UBE2Q2: variants seen among roughly 807,000 people sequenced by gnomAD.
UBE2Q2 encodes ubiquitin-conjugating enzyme E2 Q2.
Under a neutral mutation model 59.9 loss-of-function variants are expected in UBE2Q2, and 54 were observed. That is an observed-to-expected ratio of 0.90 (90% CI 0.72 to 1.13). UBE2Q2 has a LOEUF of 1.13. UBE2Q2 is among the 50% of genes most tolerant of loss of function. The probability of loss-of-function intolerance (pLI) is 0.00; values close to 1 mark genes in which losing one functional copy is unlikely to be tolerated. For synonymous variants in UBE2Q2, 165 were observed against 155.2 expected, an observed-to-expected ratio of 1.06 and a Z score of -0.47; for missense variants, 433 against 441.9, an observed-to-expected ratio of 0.98 and a Z score of 0.18.
At chr15:75,850,321 TTA>T (rs1454875941) in intron 1 of UBE2Q2, among the ~76,000 whole-genome samples, 26 of 152,372 alleles carry the variant, frequency 1.7e-4, no homozygotes, top group Admixed American at 1.6e-3. Context: ...TCTCCGATGC[TTA>T]TGTGTGTTCC....
At chr15:75,854,741 A>C (rs1250786277) in intron 2 of UBE2Q2, among the ~76,000 whole-genome samples, 1 of 152,172 alleles carries the variant, frequency 6.6e-6, no homozygotes, top group Non-Finnish European at 1.5e-5. Flanking sequence ...CCATTAAGCC[A>C]AACAAGCATT....
chr15:75,895,760 G>A (rs925663215), intron 11 of UBE2Q2, among the ~76,000 whole-genome samples: 4 of 152,012 alleles, frequency 2.6e-5, no homozygotes, highest in East Asian at 1.9e-4. Flanking sequence ...AGGCTGCATC[G>A]AGGCACTCTT....
rs1899696785 is a variant in UBE2Q2, at chr15:75,900,502, GTTGGTAA to G, written c.*1046_*1052del. 4.6e-5 allele frequency: 7 copies of G among 152,528 alleles called. No homozygotes were observed. The South Asian group carries it at 1.5e-3, about 32-fold the overall frequency. The allele number at this position is 152,528 out of a possible 1,614,324, so 9.4% of individuals were successfully genotyped here. ...GCCTTACCTGAATCAGTCCTTTTTG[GTTGGTAA>G]TAGATTTTTTTATACACCCACGTTT... On this transcript the variant is annotated 3_prime_UTR_variant, in exon 13 of 13. Coordinates refer to ENST00000267938, the MANE Select transcript of UBE2Q2 (RefSeq NM_173469.4).
chr15:75,886,879 TA>T (rs1043310192), intron 9 of UBE2Q2, among the ~76,000 whole-genome samples: 4 of 151,978 alleles, frequency 2.6e-5, no homozygotes, highest in Admixed American at 6.6e-5. Context: ...TTTTTTTTTT[TA>T]ATCAGAACAT....
At chr15:75,877,934 T>G (rs1335554166) in intron 6 of UBE2Q2, 27 bp from the exon 7 acceptor site, 1 of 1,597,074 alleles carries the variant, frequency 6.3e-7, no homozygotes, top group African/African-American at 1.3e-5. Flanking sequence ...AAATGAAGAG[T>G]AGCTAACATG....
At chr15:75,869,301 G>A (rs1450755808) in intron 4 of UBE2Q2, among the ~76,000 whole-genome samples, 1 of 152,092 alleles carries the variant, frequency 6.6e-6, no homozygotes, top group Non-Finnish European at 1.5e-5. Flanking sequence ...TCTGTATTTG[G>A]TTATTTTTAG....
chr15:75,888,904 C>A (rs1038923134), intron 9 of UBE2Q2, among the ~76,000 whole-genome samples: 5 of 152,162 alleles, frequency 3.3e-5, no homozygotes, highest in Admixed American at 1.3e-4. Context: ...GTGGTTGTGA[C>A]TGGATAACAG....
At chr15:75,883,032 T>A (rs1283842999) in intron 8 of UBE2Q2, among the ~76,000 whole-genome samples, 1 of 152,202 alleles carries the variant, frequency 6.6e-6, no homozygotes, top group East Asian at 1.9e-4. Context: ...GAAATTATTA[T>A]GTTTTGTTCA....
intron 12 of UBE2Q2, 74 bp downstream of exon 12, chr15:75,897,135 T>A: frequency 1.2e-6 from 1 of 861,192 alleles, no homozygotes; most frequent in Non-Finnish European, 1.7e-6. Flanking sequence ...ACCATTTTAT[T>A]TTTCTGTTTT....
At chr15:75,888,334 A>G (rs1699276) in intron 9 of UBE2Q2, among the ~76,000 whole-genome samples, 2,256 of 152,288 alleles carry the variant, frequency 0.015, 50 homozygotes, top group African/African-American at 0.051. Context: ...TTTCATATAA[A>G]TAGAATCATA....
chr15:75,885,277 C>T (rs1898694989), intron 9 of UBE2Q2, among the ~76,000 whole-genome samples: 1 of 152,130 alleles, frequency 6.6e-6, no homozygotes, highest in African/African-American at 2.4e-5. Flanking sequence ...GCCACCATGT[C>T]CAGCTAATTT....
intron 8 of UBE2Q2, among the ~76,000 whole-genome samples, chr15:75,879,393 C>T (rs1188236294): frequency 6.6e-6 from 1 of 152,038 alleles, no homozygotes; most frequent in Non-Finnish European, 1.5e-5. Flanking sequence ...TATAATAGCA[C>T]CAAATAGAAA....
At position 75,875,247 on chromosome 15, in the gene UBE2Q2, G is replaced by A. The variant is rs542423362; in HGVS notation, c.589-940G>A. Among the ~76,000 whole-genome samples the A allele has an allele frequency of 7.9e-5, 12 of 152,252 alleles. No individual in the cohort carries two copies. The East Asian group carries it at 2.3e-3, about 29-fold the overall frequency. On this transcript the variant is annotated intron_variant, in intron 5 of 12. Coordinates refer to ENST00000267938, the MANE Select transcript of UBE2Q2 (RefSeq NM_173469.4). ...AGGTATGCTTCATATTTTAGAGATA[G>A]GAAAAACTTCTCATATTTTGTAGAT...
chr15:75,868,964 A>T lies in UBE2Q2; in HGVS notation c.401A>T (p.Glu134Val), dbSNP rs750571272. Residue 134 changes from glutamate (E) to valine (V), a missense_variant, in exon 4 of 13, where the codon GAA (glutamate) becomes GTA (valine). Physicochemically the swap from Glu to Val is moderately radical, Grantham distance 121. Coordinates refer to ENST00000267938, the MANE Select transcript of UBE2Q2 (RefSeq NM_173469.4). ...PLPTGQNGTTEEVTSEEEEEE... is the reference protein window; with the variant it reads ...PLPTGQNGTTVEVTSEEEEEE... ...TCTCTGTTTCAGAATGGGACAACAG[A>T]AGAAGTGACTTCAGAAGAAGAGGAA... is the stretch of plus-strand genomic sequence containing the variant. 3.7e-6 allele frequency: 6 copies of T among 1,612,872 alleles called. No individual in the cohort carries two copies. The African/African-American group carries it at 8.0e-5, about 22-fold the overall frequency.
At chr15:75,874,598 C>G (rs1023459090) in intron 5 of UBE2Q2, among the ~76,000 whole-genome samples, 2 of 152,168 alleles carry the variant, frequency 1.3e-5, no homozygotes, top group East Asian at 3.9e-4. Flanking sequence ...CTTAATATCT[C>G]TTTTACGTGA....
At chr15:75,870,857 AG>A (rs1256662145) in intron 4 of UBE2Q2, among the ~76,000 whole-genome samples, 3 of 152,152 alleles carry the variant, frequency 2.0e-5, no homozygotes, top group African/African-American at 4.8e-5. Flanking sequence ...GATTATTTGA[AG>A]GGGTGGGTTG....
Position 75,899,623 on chromosome 15 carries a change from T to C in UBE2Q2, c.*165T>C. ...CTGACATCCAGTATAAGTTACAGCCTTTGCATTTTGCTCATTTTAGATATC... is the reference window on the plus strand; with the variant it reads ...CTGACATCCAGTATAAGTTACAGCCCTTGCATTTTGCTCATTTTAGATATC... On this transcript the variant is annotated 3_prime_UTR_variant, in exon 13 of 13. Transcript: ENST00000267938. 1 of 536,816 alleles carries C rather than the reference T, an allele frequency of 1.9e-6. No homozygotes were observed. Among genetic ancestry groups the C allele is most frequent in the Non-Finnish European group, 3.1e-6 (1 of 320,162 alleles). 33.3% of individuals were successfully genotyped at this position (536,816 alleles called of 1,614,324 possible).
chr15:75,853,264 G>T (rs1383396496), intron 1 of UBE2Q2, among the ~76,000 whole-genome samples: 1 of 152,144 alleles, frequency 6.6e-6, no homozygotes, highest in Non-Finnish European at 1.5e-5. Flanking sequence ...GAGATCAGGA[G>T]TTCAAGACCA....
At chr15:75,849,131 T>C (rs1320143361) in intron 1 of UBE2Q2, among the ~76,000 whole-genome samples, 1 of 152,230 alleles carries the variant, frequency 6.6e-6, no homozygotes. Flanking sequence ...GTTGTTTATT[T>C]GTAAAATGAT....
Sources: gnomAD v4.1 joint callset for allele counts (sites outside exome capture counted in the v4.1 genomes callset) on GRCh38, gnomAD v4.1.1 for gene constraint, MANE v1.5 for transcripts, NCBI Gene and HGNC (gene_info 2026-07-23, HGNC 2026-07-21) for gene names.